The following PHLDB2 variants were observed in gnomAD, a reference collection of about 807,000 sequenced individuals.
PHLDB2 encodes the protein pleckstrin homology-like domain family B member 2.
In PHLDB2, 71 loss-of-function variants were observed where a neutral mutation model predicts 123.6. The observed-to-expected ratio is 0.57, with a 90% CI of 0.47 to 0.70. The LOEUF is 0.70. PHLDB2 is among the 30% of genes least tolerant of loss of function. The pLI, the probability that PHLDB2 is intolerant of heterozygous loss-of-function variation, is 0.00. For missense variants in PHLDB2, 1,446 were observed against 1,519.5 expected (o/e 0.95, Z 0.80); for synonymous variants, 547 against 541.6 (o/e 1.01, Z -0.14).
chr3:111,866,220 A>G (rs981489253), intron 1 of PHLDB2, among the ~76,000 whole-genome samples: 11 of 151,720 alleles, frequency 7.3e-5, no homozygotes, highest in Non-Finnish European at 1.3e-4. Flanking sequence ...GTTTCGCCAT[A>G]TTGGCCAGGG....
At chr3:111,803,346 T>C (rs2061448858) in intron 1 of PHLDB2, among the ~76,000 whole-genome samples, 1 of 152,210 alleles carries the variant, frequency 6.6e-6, no homozygotes, top group Non-Finnish European at 1.5e-5. Context: ...TTCTCTGCAA[T>C]CCTGAGATTG....
intron 1 of PHLDB2, among the ~76,000 whole-genome samples, chr3:111,866,196 T>G (rs575819661): frequency 6.6e-6 from 1 of 151,882 alleles, no homozygotes; most frequent in East Asian, 1.9e-4. Context: ...TTTCTGTACT[T>G]TAATAGTGAT....
intron 1 of PHLDB2, among the ~76,000 whole-genome samples, chr3:111,737,876 G>A (rs530655820): frequency 1.3e-4 from 20 of 152,190 alleles, no homozygotes; most frequent in Admixed American, 3.9e-4. Context: ...CGTCCATGGG[G>A]CCTACTTTGT....
chr3:111,904,227 A>C (rs1029340434), intron 2 of PHLDB2, among the ~76,000 whole-genome samples: 4 of 147,386 alleles, frequency 2.7e-5, no homozygotes, highest in Non-Finnish European at 4.5e-5. Flanking sequence ...GCAATGAGCC[A>C]AGATTGCAAC....
chr3:111,849,472 A>C (rs1268467901), intron 2 of PHLDB2, among the ~76,000 whole-genome samples: 2 of 152,196 alleles, frequency 1.3e-5, no homozygotes, highest in Admixed American at 1.3e-4. Context: ...TGCCAGGCCA[A>C]AGTTCTGAAA....
intron 6 of PHLDB2, among the ~76,000 whole-genome samples, chr3:111,933,813 CCTT>C (rs2069285316): frequency 6.6e-6 from 1 of 152,162 alleles, no homozygotes; most frequent in Non-Finnish European, 1.5e-5. Context: ...TTTTAACTCT[CCTT>C]ATCACTAAAG....
chr3:111,834,565 G>A (rs57321648), intron 1 of PHLDB2, among the ~76,000 whole-genome samples: 84 of 151,594 alleles, frequency 5.5e-4, no homozygotes, highest in African/African-American at 2.0e-3. Context: ...TCAACACTGT[G>A]TTATCACAAA....
intron 1 of PHLDB2, among the ~76,000 whole-genome samples, chr3:111,761,373 C>T (rs1327807028): frequency 1.3e-5 from 2 of 152,068 alleles, no homozygotes. Context: ...GGTATGGGTA[C>T]ACATGGGAGT....
At chr3:111,776,483 C>T (rs149749426) in intron 1 of PHLDB2, among the ~76,000 whole-genome samples, 66 of 152,210 alleles carry the variant, frequency 4.3e-4, no homozygotes, top group African/African-American at 1.5e-3. Context: ...CATTGCACCT[C>T]TCACTCCAGA....
At chr3:111,784,397 C>A (rs764408497) in intron 1 of PHLDB2, among the ~76,000 whole-genome samples, 3 of 152,222 alleles carry the variant, frequency 2.0e-5, no homozygotes, top group Non-Finnish European at 4.4e-5. Flanking sequence ...TTTCTTTGAA[C>A]AACAAAATAC....
intron 1 of PHLDB2, among the ~76,000 whole-genome samples, chr3:111,758,557 C>T (rs559113640): frequency 1.1e-4 from 17 of 152,308 alleles, no homozygotes; most frequent in South Asian, 2.1e-4. Context: ...TTGCACTTCC[C>T]GAGTGAGGCA....
intron 2 of PHLDB2, among the ~76,000 whole-genome samples, chr3:111,907,771 T>A (rs888811845): frequency 1.3e-5 from 2 of 152,096 alleles, no homozygotes; most frequent in South Asian, 2.1e-4. Context: ...GGATTACAGG[T>A]GTGAGCCACC....
intron 1 of PHLDB2, among the ~76,000 whole-genome samples, chr3:111,831,446 AG>A (rs368214154): frequency 1.8e-5 from 2 of 110,158 alleles, no homozygotes; most frequent in Non-Finnish European, 3.1e-5. Context: ...TAGGGACAGT[AG>A]GGGGGAGTTT....
intron 1 of PHLDB2, among the ~76,000 whole-genome samples, chr3:111,834,108 A>ATATATGTAATAGAATTATATATATAT (rs1559857909): frequency 2.5e-4 from 23 of 91,870 alleles, no homozygotes; most frequent in South Asian, 1.5e-3. Flanking sequence ...TATATATATT[A>ATATATGTAATAGAATTATATATATAT]TATATGTAAT....
rs768074664 is a variant in PHLDB2 at position 111,885,301 on chromosome 3, C to G, written c.1224C>G (p.Ala408=). The G allele has an allele frequency of 6.2e-7, 1 of 1,614,120 alleles. No individual in the cohort carries two copies. Among genetic ancestry groups the G allele is most frequent in the Non-Finnish European group, 8.5e-7 (1 of 1,180,026 alleles). ...LRQASGTPQP[A]LRERKSSISS... ...AGGCCTCAGGAACCCCCCAGCCTGC[C>G]CTTCGGGAACGGAAAAGCAGTATTA... Residue 408 remains alanine, a synonymous_variant, in exon 2 of 18, where the codon GCC becomes GCG. Transcript: ENST00000431670.
At chr3:111,906,855 C>A (rs1453559632) in intron 2 of PHLDB2, among the ~76,000 whole-genome samples, 1 of 152,158 alleles carries the variant, frequency 6.6e-6, no homozygotes, top group Non-Finnish European at 1.5e-5. Context: ...TCCAGCTCAG[C>A]CCTACTGATG....
At chr3:111,934,543 C>T (rs778062346) in intron 6 of PHLDB2, among the ~76,000 whole-genome samples, 2 of 152,198 alleles carry the variant, frequency 1.3e-5, no homozygotes, top group Non-Finnish European at 2.9e-5. Context: ...TTGAATACTT[C>T]AGCTGAAATT....
At chr3:111,734,599 A>C (rs1017076002) in intron 1 of PHLDB2, among the ~76,000 whole-genome samples, 1 of 152,180 alleles carries the variant, frequency 6.6e-6, no homozygotes, top group African/African-American at 2.4e-5. Flanking sequence ...AATATTGGAT[A>C]GTAAGTAGAG....
Position 111,876,625 on chromosome 3 carries a change from G to A in PHLDB2, c.-14-7439G>A, listed in dbSNP as rs1185749892. 2.0e-5 allele frequency among the ~76,000 whole-genome samples: 3 copies of A among 151,990 alleles called. No individual in the cohort carries two copies. The East Asian group carries it at 5.8e-4, about 29-fold the overall frequency. ...TGGGGTACATGTGCAGAACGTGCAG[G>A]TTTGTTACATAGGTATACACGTGCC... On this transcript the variant is annotated intron_variant, in intron 1 of 17. Coordinates refer to ENST00000431670, the MANE Select transcript of PHLDB2 (RefSeq NM_001134438.2).
Sources: allele counts gnomAD v4.1 joint callset (sites outside exome capture counted in the v4.1 genomes callset), GRCh38; gene constraint gnomAD v4.1.1; transcripts MANE v1.5; gene names NCBI Gene and HGNC (gene_info 2026-07-23, HGNC 2026-07-21).